Variants in XNDC1N observed in about 807,000 individuals in gnomAD.
XNDC1N encodes the protein protein XNDC1N.
At chr11:71,908,143 T>C in the XNDC1N span, among the ~76,000 whole-genome samples, 1 of 149,192 alleles carries the variant, frequency 6.7e-6, no homozygotes, top group Non-Finnish European at 1.5e-5. Flanking sequence ...GTAATATTAG[T>C]ATGAATTATT....
chr11:71,907,710 A>G, the XNDC1N span, among the ~76,000 whole-genome samples: 1 of 151,986 alleles, frequency 6.6e-6, no homozygotes, highest in East Asian at 1.9e-4. Context: ...TAGAAACTAT[A>G]TCAGTTGGGG....
chr11:71,914,137 A>C, the XNDC1N span, among the ~76,000 whole-genome samples: 1 of 152,180 alleles, frequency 6.6e-6, no homozygotes, highest in African/African-American at 2.4e-5. Flanking sequence ...ACTTTCAAGC[A>C]TTGCTATTTA....
the XNDC1N span, among the ~76,000 whole-genome samples, chr11:71,904,331 G>T: frequency 6.6e-6 from 1 of 152,104 alleles, no homozygotes. Context: ...AAAGTATGAT[G>T]AAAAATATCA....
the XNDC1N span, among the ~76,000 whole-genome samples, chr11:71,870,074 G>A: frequency 6.6e-6 from 1 of 152,176 alleles, no homozygotes; most frequent in Non-Finnish European, 1.5e-5. Context: ...AGCTTGTGCA[G>A]GGGAATTCCC....
chr11:71,902,168 G>T, the XNDC1N span, among the ~76,000 whole-genome samples: 4 of 151,516 alleles, frequency 2.6e-5, no homozygotes, highest in African/African-American at 9.8e-5. Context: ...TGTCATCAGC[G>T]TGACTTTGAC....
chr11:71,921,626 C>G, the XNDC1N span, among the ~76,000 whole-genome samples: 6 of 152,002 alleles, frequency 3.9e-5, no homozygotes, highest in Non-Finnish European at 8.8e-5. Flanking sequence ...GGTTTTCAAC[C>G]TTTTTTGTTT....
chr11:71,908,392 G>T, the XNDC1N span, among the ~76,000 whole-genome samples: 24 of 151,804 alleles, frequency 1.6e-4, no homozygotes, highest in East Asian at 4.1e-3. Flanking sequence ...TATCGGTATT[G>T]ATTTTAAAAA....
At chr11:71,867,101 T>C in the XNDC1N span, among the ~76,000 whole-genome samples, 2 of 152,150 alleles carry the variant, frequency 1.3e-5, no homozygotes, top group Non-Finnish European at 2.9e-5. Context: ...AATGATAGAC[T>C]GTGATGGGTT....
chr11:71,927,903 A>G, the XNDC1N span: 1 of 152,530 alleles, frequency 6.6e-6, no homozygotes, highest in East Asian at 1.9e-4. Flanking sequence ...GTTGGTCCCA[A>G]TGTAAAGCTG....
At chr11:71,904,946 C>G in the XNDC1N span, among the ~76,000 whole-genome samples, 1 of 152,008 alleles carries the variant, frequency 6.6e-6, no homozygotes, top group African/African-American at 2.4e-5. Context: ...ACAGGGAGTA[C>G]ACCCCGTGTG....
the XNDC1N span, among the ~76,000 whole-genome samples, chr11:71,891,213 C>T: frequency 6.6e-6 from 1 of 151,702 alleles, no homozygotes; most frequent in African/African-American, 2.4e-5. Flanking sequence ...GGGTGGTGTA[C>T]CCCCCCTGCG....
At chr11:71,879,088 T>G in the XNDC1N span, among the ~76,000 whole-genome samples, 2 of 152,102 alleles carry the variant, frequency 1.3e-5, no homozygotes, top group African/African-American at 4.8e-5. Context: ...CACAGGAAAT[T>G]TAAAGAATTG....
chr11:71,891,160 G>C, the XNDC1N span, among the ~76,000 whole-genome samples: 2 of 151,926 alleles, frequency 1.3e-5, no homozygotes, highest in Non-Finnish European at 2.9e-5. Context: ...TATTGAAAAT[G>C]ATATCATACT....
chr11:71,904,050 C>A, the XNDC1N span: 2 of 523,146 alleles, frequency 3.8e-6, no homozygotes, highest in Non-Finnish European at 7.6e-6. Context: ...CCATGCTGAA[C>A]CCCTTCATCT....
chr11:71,905,486 C>G, the XNDC1N span, among the ~76,000 whole-genome samples: 1 of 152,002 alleles, frequency 6.6e-6, no homozygotes, highest in South Asian at 2.1e-4. Context: ...TAACATCTCC[C>G]TAGGATATTT....
At chr11:71,901,016 C>T in the XNDC1N span, among the ~76,000 whole-genome samples, 1 of 152,184 alleles carries the variant, frequency 6.6e-6, no homozygotes, top group Non-Finnish European at 1.5e-5. Context: ...ATGCCCTTCC[C>T]TTTCGGGGTT....
the XNDC1N span, among the ~76,000 whole-genome samples, chr11:71,887,093 A>G: frequency 6.6e-6 from 1 of 152,120 alleles, no homozygotes. Context: ...GGGAGACAAG[A>G]CTCAAGCGTC....
At chr11:71,884,376 G>C in the XNDC1N span, 1 of 1,542,778 alleles carries the variant, frequency 6.5e-7, no homozygotes, top group Non-Finnish European at 8.7e-7. Context: ...AAGTAATATT[G>C]TGTCATATAA....
the XNDC1N span, among the ~76,000 whole-genome samples, chr11:71,875,408 G>A: frequency 1.3e-5 from 2 of 151,702 alleles, no homozygotes; most frequent in Non-Finnish European, 2.9e-5. Context: ...TAATATTTAG[G>A]AATCAATAAA....
Sources: gnomAD v4.1 joint callset for allele counts (sites outside exome capture counted in the v4.1 genomes callset) on GRCh38, gnomAD v4.1.1 for gene constraint, MANE v1.5 for transcripts, NCBI Gene and HGNC (gene_info 2026-07-23, HGNC 2026-07-21) for gene names.